The following TYW1 variants were observed in gnomAD, a reference collection of about 807,000 sequenced individuals.
TYW1 encodes S-adenosyl-L-methionine-dependent tRNA 4-demethylwyosine synthase TYW1.
Under a neutral mutation model 96.2 loss-of-function variants are expected in TYW1, and 46 were observed. The observed-to-expected ratio is 0.48, with a 90% CI of 0.38 to 0.61. The LOEUF (loss-of-function observed/expected upper bound fraction) is 0.61, where lower values mean the gene tolerates loss of function less well. Ranked by LOEUF, TYW1 falls within the 20% of genes least tolerant of loss-of-function variation. The pLI is 0.00. For missense variants in TYW1, 684 were observed against 909.6 expected (o/e 0.75, Z 3.19); for synonymous variants, 274 against 323.0 (o/e 0.85, Z 1.63).
chr7:67,075,036 G>A (rs529215176), intron 10 of TYW1, among the ~76,000 whole-genome samples: 2 of 152,184 alleles, frequency 1.3e-5, no homozygotes, highest in Admixed American at 6.5e-5. Flanking sequence ...GAGCCACCGG[G>A]CCTGACCAAT....
At chr7:67,075,434 T>C (rs1796171789) in intron 10 of TYW1, among the ~76,000 whole-genome samples, 1 of 152,140 alleles carries the variant, frequency 6.6e-6, no homozygotes, top group African/African-American at 2.4e-5. Flanking sequence ...AAATGACCAG[T>C]AAGCACATGA....
At chr7:67,016,154 T>C (rs1407857969) in intron 5 of TYW1, among the ~76,000 whole-genome samples, 1 of 151,376 alleles carries the variant, frequency 6.6e-6, no homozygotes, top group Non-Finnish European at 1.5e-5. Context: ...CTCAGTTTCT[T>C]GGTCATTTGC....
Position 67,206,953 on chromosome 7 carries a change from T to A in TYW1, c.1977+11616T>A, listed in dbSNP as rs1800820872. On this transcript the variant is annotated intron_variant, in intron 15 of 15. Coordinates refer to ENST00000359626, the MANE Select transcript of TYW1 (RefSeq NM_018264.4). ...TCGGTTCCTTTTTCACTTCATTTCA[T>A]GCTCCCTCCCTGGGCTTTTAAACGG... Among the ~76,000 whole-genome samples the A allele has an allele frequency of 2.6e-5, 4 of 152,246 alleles. No homozygotes were observed. The South Asian group carries it at 8.3e-4, about 31-fold the overall frequency.
intron 15 of TYW1, among the ~76,000 whole-genome samples, chr7:67,230,581 G>A (rs192070958): frequency 1.7e-4 from 26 of 150,158 alleles, no homozygotes; most frequent in African/African-American, 3.0e-4. Flanking sequence ...ATTTATCTCC[G>A]TATCTCTAAA....
At chr7:67,237,472 C>T (rs181482358) in intron 15 of TYW1, among the ~76,000 whole-genome samples, 3 of 149,636 alleles carry the variant, frequency 2.0e-5, no homozygotes, top group Admixed American at 6.7e-5. Context: ...TACACTCCAG[C>T]CTGGGCTACA....
At chr7:67,147,066 A>G (rs1798630485) in intron 13 of TYW1, among the ~76,000 whole-genome samples, 1 of 152,210 alleles carries the variant, frequency 6.6e-6, no homozygotes, top group Admixed American at 6.5e-5. Context: ...ACCCCTTGCT[A>G]GAGGGAGACT....
At chr7:67,094,966 G>C (rs1279855023) in intron 11 of TYW1, among the ~76,000 whole-genome samples, 1 of 151,758 alleles carries the variant, frequency 6.6e-6, no homozygotes, top group Non-Finnish European at 1.5e-5. Context: ...ATTGCTGGTG[G>C]GGGGGTACTA....
At chr7:67,047,975 A>G (rs1185625705) in intron 7 of TYW1, among the ~76,000 whole-genome samples, 4 of 151,454 alleles carry the variant, frequency 2.6e-5, no homozygotes, top group Admixed American at 1.3e-4. Flanking sequence ...TTTAGTAGAG[A>G]CAGGGTTTCC....
At chr7:67,176,434 A>G (rs903136490) in intron 13 of TYW1, among the ~76,000 whole-genome samples, 14 of 152,184 alleles carry the variant, frequency 9.2e-5, no homozygotes, top group African/African-American at 3.4e-4. Context: ...TTTAAAGACT[A>G]CACTTGATCT....
intron 7 of TYW1, among the ~76,000 whole-genome samples, chr7:67,046,218 G>T (rs1386665125): frequency 2.6e-5 from 4 of 152,154 alleles, no homozygotes; most frequent in Non-Finnish European, 5.9e-5. Context: ...ATGCCCTGAG[G>T]TGATGCCGAG....
chr7:67,216,314 C>A (rs1378534043), intron 15 of TYW1, among the ~76,000 whole-genome samples: 1 of 136,390 alleles, frequency 7.3e-6, no homozygotes, highest in Non-Finnish European at 1.6e-5. Flanking sequence ...TGCATTTCAT[C>A]TAAGTTCTCA....
At chr7:67,092,784 G>A (rs1024784815) in intron 11 of TYW1, among the ~76,000 whole-genome samples, 15 of 142,216 alleles carry the variant, frequency 1.1e-4, no homozygotes, top group Admixed American at 2.2e-4. Context: ...CTGGGTTCAA[G>A]CAATTCTCCT....
In TYW1 at chr7:67,111,445, C is replaced by A. The variant is rs568565891; in HGVS notation, c.1563-6038C>A. On this transcript the variant is annotated intron_variant, in intron 12 of 15. Transcript: ENST00000359626. ...TGAACTCCTGACCTCAAGTGATCTG[C>A]CCCTCTCGCCCTCCCAAAGTGGTGG... Among the ~76,000 whole-genome samples the A allele has an allele frequency of 1.2e-4, 19 of 152,290 alleles. No individual in the cohort carries two copies. In the South Asian group the frequency reaches 3.9e-3, roughly 32 times the overall value.
At chr7:67,073,337 T>A (rs1334906780) in intron 10 of TYW1, among the ~76,000 whole-genome samples, 2 of 152,162 alleles carry the variant, frequency 1.3e-5, no homozygotes, top group African/African-American at 4.8e-5. Flanking sequence ...AAGCATTCCC[T>A]AATGCATAGG....
At chr7:67,065,144 A>G (rs1201515158) in intron 9 of TYW1, among the ~76,000 whole-genome samples, 2 of 152,162 alleles carry the variant, frequency 1.3e-5, no homozygotes, top group Non-Finnish European at 2.9e-5. Flanking sequence ...TTGCTTTTCC[A>G]TCTTATGGGC....
chr7:67,058,231 G>A (rs1795589480), intron 9 of TYW1, among the ~76,000 whole-genome samples: 1 of 152,228 alleles, frequency 6.6e-6, no homozygotes, highest in Non-Finnish European at 1.5e-5. Context: ...ACTGCGCCTG[G>A]CCTACAGGTT....
intron 13 of TYW1, among the ~76,000 whole-genome samples, chr7:67,149,721 A>AATAT (rs377189951): frequency 9.3e-6 from 1 of 108,066 alleles, no homozygotes; most frequent in African/African-American, 3.2e-5. Flanking sequence ...AAGGAAAAAA[A>AATAT]ATATCTATCT....
chr7:67,209,595 CAG>C (rs919089484), intron 15 of TYW1, among the ~76,000 whole-genome samples: 2 of 152,058 alleles, frequency 1.3e-5, no homozygotes, highest in African/African-American at 4.8e-5. Flanking sequence ...TTTTTTGAGA[CAG>C]AGTCTTACTC....
chr7:66,997,122 T>A, intron 1 of TYW1, 140 bp downstream of exon 1: 2 of 1,507,212 alleles, frequency 1.3e-6, no homozygotes, highest in Non-Finnish European at 1.8e-6. Flanking sequence ...TAGTCGCCGC[T>A]GAGAGCAAGG....
Sources: allele counts gnomAD v4.1 joint callset (sites outside exome capture counted in the v4.1 genomes callset), GRCh38; gene constraint gnomAD v4.1.1; transcripts MANE v1.5; gene names NCBI Gene and HGNC (gene_info 2026-07-23, HGNC 2026-07-21).